ELOVL7: variants seen among roughly 807,000 people sequenced by gnomAD.
ELOVL7 encodes the protein very long chain fatty acid elongase 7.
In ELOVL7, 27 loss-of-function variants were observed where a neutral mutation model predicts 35.7. That is an observed-to-expected ratio of 0.76 (90% CI 0.56 to 1.04). The LOEUF (loss-of-function observed/expected upper bound fraction) is 1.04. ELOVL7 is among the 50% of genes least tolerant of loss of function. ELOVL7 has a pLI of 0.00. For synonymous variants in ELOVL7, 113 were observed against 114.6 expected (o/e 0.99, Z 0.09); for missense variants, 327 against 340.8 (o/e 0.96, Z 0.32).
At chr5:60,774,804 C>T (rs891172908) in intron 3 of ELOVL7, among the ~76,000 whole-genome samples, 6 of 143,878 alleles carry the variant, frequency 4.2e-5, no homozygotes, top group Non-Finnish European at 6.0e-5. Flanking sequence ...TTGCTCTTGT[C>T]GCCCAGGCTG....
At chr5:60,818,734 A>G (rs2112344034) in intron 1 of ELOVL7, among the ~76,000 whole-genome samples, 1 of 151,954 alleles carries the variant, frequency 6.6e-6, no homozygotes, top group South Asian at 2.1e-4. Context: ...GAGGCTGGGC[A>G]TGGTGGCTCA....
chr5:60,769,584 C>G (rs1368798918), intron 4 of ELOVL7, among the ~76,000 whole-genome samples: 2 of 152,098 alleles, frequency 1.3e-5, no homozygotes, highest in African/African-American at 2.4e-5. Context: ...CTTTGTAAAC[C>G]AAATGAAATC....
At chr5:60,831,708 C>T (rs1470142902) in intron 1 of ELOVL7, among the ~76,000 whole-genome samples, 6 of 152,188 alleles carry the variant, frequency 3.9e-5, no homozygotes, top group African/African-American at 1.2e-4. Flanking sequence ...ATTCAAGATC[C>T]TCTTTATTAG....
chr5:60,769,633 C>T (rs1158337876), intron 4 of ELOVL7, among the ~76,000 whole-genome samples: 1 of 152,180 alleles, frequency 6.6e-6, no homozygotes. Flanking sequence ...GATGTGCCAT[C>T]AACAGATGGA....
At chr5:60,764,204 G>A in intron 7 of ELOVL7, 23 bp downstream of exon 7, 1 of 1,509,388 alleles carries the variant, frequency 6.6e-7, no homozygotes, top group East Asian at 2.3e-5. Flanking sequence ...TATAACACAT[G>A]ATCCCAAATT....
chr5:60,837,321 GGGAGT>G, intron 1 of ELOVL7, among the ~76,000 whole-genome samples: 3 of 120,760 alleles, frequency 2.5e-5, no homozygotes, highest in Non-Finnish European at 5.3e-5. Context: ...GGGGTGGGGG[GGGAGT>G]GGGGGGTGGG....
At position 60,757,563 on chromosome 5, in the gene ELOVL7, C is replaced by A; in HGVS notation, c.582G>T (p.Gly194=). ...ACCACAAATACTTCTGGTAGGCTGG[C>A]CCCAATGCAGAAAGTCCATAGTAGG... is the stretch of plus-strand genomic sequence containing the variant. ...MYSYYGLSAL[G]PAYQKYLWWK... is the part of the protein sequence containing the mutation. Residue 194 remains glycine (G), a synonymous_variant, in exon 8 of 9, where the codon GGG becomes GGT. Transcript: ENST00000508821. 1.2e-6 allele frequency: 2 copies of A among 1,613,322 alleles called. No homozygotes were observed. Among genetic ancestry groups the A allele is most frequent in the Non-Finnish European group, 1.7e-6 (2 of 1,179,478 alleles).
rs112591812 is a variant in ELOVL7 at position 60,752,718 on chromosome 5, C to T, written c.*1906G>A. 1 of 151,988 alleles carries T rather than the reference C, an allele frequency of 6.6e-6. No individual in the cohort carries two copies. Among genetic ancestry groups the T allele is most frequent in the African/African-American group, 2.4e-5 (1 of 41,364 alleles). The allele number at this position is 151,988 out of a possible 1,614,324, so 9.4% of individuals were successfully genotyped here. A position where few individuals can be genotyped will look rare whatever the true frequency, so the allele number is the denominator to read the frequency against. ...CTGTAATCCCAGAACTTTGGGAGGC[C>T]GAGGTGGGAGGATCACCTGAGGTCA... On this transcript the variant is annotated 3_prime_UTR_variant, in exon 9 of 9. Coordinates refer to ENST00000508821, the MANE Select transcript of ELOVL7 (RefSeq NM_024930.3).
chr5:60,757,627 T>G lies in ELOVL7; in HGVS notation c.518A>C (p.His173Pro). 6.3e-7 allele frequency: 1 copy of G among 1,582,528 alleles called. No individual in the cohort carries two copies. The highest frequency in any genetic ancestry group is 1.7e-4 in the Middle Eastern group (1 of 5,942). The change falls in exon 8 of 9, where the codon CAT becomes CCT. Residue 173 changes from histidine to proline, a missense_variant. By Grantham distance (77) the His-to-Pro change is moderately conservative. Coordinates refer to ENST00000508821, the MANE Select transcript of ELOVL7 (RefSeq NM_024930.3). ...ATGTACAGCTGTATTTAGAAGGGCATGGAATGTTCCCAAACCACCTGGAAA... is the reference window on the plus strand; with the variant it reads ...ATGTACAGCTGTATTTAGAAGGGCAGGGAATGTTCCCAAACCACCTGGAAA... ...KFAAGGLGTF[H>P]ALLNTAVHVV... is the part of the protein sequence containing the mutation.
At chr5:60,779,885 T>G (rs1176924157) in intron 3 of ELOVL7, among the ~76,000 whole-genome samples, 1 of 152,224 alleles carries the variant, frequency 6.6e-6, no homozygotes, top group Non-Finnish European at 1.5e-5. Context: ...AAATTTCTTC[T>G]GCCAGATACC....
At chr5:60,831,003 A>G (rs1231134027) in intron 1 of ELOVL7, among the ~76,000 whole-genome samples, 4 of 152,244 alleles carry the variant, frequency 2.6e-5, no homozygotes, top group Non-Finnish European at 5.9e-5. Flanking sequence ...AGAAAAAATG[A>G]GGAGAAATGA....
intron 4 of ELOVL7, among the ~76,000 whole-genome samples, chr5:60,771,590 A>T (rs928854333): frequency 1.3e-5 from 2 of 152,222 alleles, no homozygotes; most frequent in African/African-American, 4.8e-5. Flanking sequence ...CTTACCAGCT[A>T]TGTTACTTTA....
intron 1 of ELOVL7, among the ~76,000 whole-genome samples, chr5:60,830,352 A>G (rs539413844): frequency 6.6e-6 from 1 of 152,314 alleles, no homozygotes; most frequent in South Asian, 2.1e-4. Flanking sequence ...AAGCACAACA[A>G]AGTAAAGTAA....
intron 2 of ELOVL7, among the ~76,000 whole-genome samples, chr5:60,788,726 T>C (rs564735718): frequency 6.6e-6 from 1 of 152,180 alleles, no homozygotes; most frequent in African/African-American, 2.4e-5. Flanking sequence ...AGTGAGCAGA[T>C]TGTGCCACTG....
intron 1 of ELOVL7, among the ~76,000 whole-genome samples, chr5:60,813,586 GC>G (rs1283788493): frequency 1.3e-5 from 2 of 151,638 alleles, no homozygotes; most frequent in Admixed American, 1.3e-4. Context: ...TTTCTCACCT[GC>G]CCCCATTCCT....
intron 7 of ELOVL7, among the ~76,000 whole-genome samples, chr5:60,760,385 G>T (rs1741828060): frequency 6.6e-6 from 1 of 152,160 alleles, no homozygotes; most frequent in African/African-American, 2.4e-5. Context: ...TTCTCTGATG[G>T]CTAGTGATGG....
chr5:60,784,802 C>A (rs1743471814), intron 3 of ELOVL7, among the ~76,000 whole-genome samples: 2 of 152,168 alleles, frequency 1.3e-5, no homozygotes, highest in Non-Finnish European at 2.9e-5. Context: ...TTTTATAAAG[C>A]TGTATATCTC....
At chr5:60,814,923 A>G (rs1290548077) in intron 1 of ELOVL7, among the ~76,000 whole-genome samples, 1 of 152,128 alleles carries the variant, frequency 6.6e-6, no homozygotes, top group Non-Finnish European at 1.5e-5. Flanking sequence ...CCCCATCCCC[A>G]TTTACTGCTC....
At chr5:60,768,774 A>T in intron 4 of ELOVL7, 1 of 447,388 alleles carries the variant, frequency 2.2e-6, no homozygotes, top group South Asian at 1.6e-5. Flanking sequence ...TGACAATATG[A>T]TCAGTTCTTC....
Sources: gnomAD v4.1 joint callset for allele counts (sites outside exome capture counted in the v4.1 genomes callset) on GRCh38, gnomAD v4.1.1 for gene constraint, MANE v1.5 for transcripts, NCBI Gene and HGNC (gene_info 2026-07-23, HGNC 2026-07-21) for gene names.